The following SPART variants were observed in gnomAD, a reference collection of about 807,000 sequenced individuals.
SPART encodes the protein spartin, also known as spastic paraplegia 20 (Troyer syndrome).
In SPART, 35 loss-of-function variants were observed where a neutral mutation model predicts 58.7. The ratio of observed to expected loss-of-function variants is 0.60; its 90% CI spans 0.46 to 0.79. The LOEUF (loss-of-function observed/expected upper bound fraction) is 0.79. Ranked by LOEUF, SPART falls within the 30% of genes least tolerant of loss-of-function variation. The probability of loss-of-function intolerance (pLI) is 0.00; values close to 1 mark genes in which losing one functional copy is unlikely to be tolerated. For synonymous variants in SPART, 284 were observed against 280.7 expected, an observed-to-expected ratio of 1.01 and a Z score of -0.12; for missense variants, 730 against 786.1, an observed-to-expected ratio of 0.93 and a Z score of 0.85.
At chr13:36,316,265 AGTT>A (rs1881687803) in intron 5 of SPART, among the ~76,000 whole-genome samples, 2 of 152,240 alleles carry the variant, frequency 1.3e-5, no homozygotes, top group Admixed American at 6.5e-5. Context: ...TACCATTTAC[AGTT>A]GTTATTAAAA....
chr13:36,310,840 TGCTC>T, intron 8 of SPART, among the ~76,000 whole-genome samples: 1 of 142,536 alleles, frequency 7.0e-6, no homozygotes, highest in East Asian at 2.6e-4. Context: ...ACCTCTCCCT[TGCTC>T]GTGCTCCCTT....
At position 36,335,136 on chromosome 13, in the gene SPART, A is replaced by G; in HGVS notation, c.695T>C (p.Phe232Ser). Residue 232 changes from phenylalanine to serine, a missense_variant, in exon 2 of 9, where the codon TTT (phenylalanine) becomes TCT (serine). By Grantham distance (155) the Phe-to-Ser change is radical. Transcript: ENST00000438666. Reference sequence around the variant, plus strand: ...ACTAACCTCCCCTGCAGGATTTACAAAAAAAATCTGTACTCCATTTGGTAT... The same window carrying G: ...ACTAACCTCCCCTGCAGGATTTACAGAAAAAATCTGTACTCCATTTGGTAT... Reference protein sequence around the residue: ...ILIPNGVQIFFVNPAGEVSAP... With the variant: ...ILIPNGVQIFSVNPAGEVSAP... 2.5e-6 allele frequency: 4 copies of G among 1,614,116 alleles called. No individual in the cohort carries two copies. The highest frequency in any genetic ancestry group is 1.1e-5 in the South Asian group (1 of 91,072).
intron 1 of SPART, among the ~76,000 whole-genome samples, chr13:36,354,374 G>C (rs1002768283): frequency 6.6e-6 from 1 of 151,942 alleles, no homozygotes; most frequent in African/African-American, 2.4e-5. Context: ...CTCTGCACTT[G>C]AGGAATATTC....
chr13:36,349,029 C>T (rs1157538418), upstream of SPART, among the ~76,000 whole-genome samples: 6 of 152,070 alleles, frequency 3.9e-5, no homozygotes, highest in South Asian at 6.2e-4. Flanking sequence ...TTTGGGAGGC[C>T]GAGGCAGGCG....
Position 36,314,315 on chromosome 13 carries a change from T to G in SPART, c.1395A>C (p.Lys465Asn), listed in dbSNP as rs1202640493. The G allele has an allele frequency of 2.5e-6, 4 of 1,614,022 alleles. No homozygotes were observed. The highest frequency in any genetic ancestry group is 3.4e-6 in the Non-Finnish European group (4 of 1,180,018). The change falls in exon 6 of 9, where the codon AAA (lysine) becomes AAC (asparagine). Residue 465 changes from lysine (K) to asparagine (N), a missense_variant. Lys to Asn is a moderately conservative substitution (Grantham distance 94, BLOSUM62 0). Coordinates refer to ENST00000438666, the MANE Select transcript of SPART (RefSeq NM_015087.5). ...KLRERIQPEE[K>N]PVEVSPAVTK... ...TGACAGCTGGACTAACTTCCACGGG[T>G]TTTTCTTCTGGTTGAATCCGCTCTC...
chr13:36,333,950 C>T (rs1883712223), intron 2 of SPART, among the ~76,000 whole-genome samples: 1 of 152,110 alleles, frequency 6.6e-6, no homozygotes, highest in Non-Finnish European at 1.5e-5. Flanking sequence ...CTCACACATC[C>T]CTAGCAAGCC....
chr13:36,332,801 A>G (rs143392785), intron 2 of SPART, among the ~76,000 whole-genome samples: 3 of 152,302 alleles, frequency 2.0e-5, no homozygotes, highest in African/African-American at 7.2e-5. Flanking sequence ...ACATCAAAAC[A>G]GTCTTACCCA....
rs779479412 is a variant in SPART, at chr13:36,304,659, C to T, written c.1734-27G>A. On this transcript the variant is annotated intron_variant, in intron 8 of 8. Transcript: ENST00000438666. ...TTTAAAAGAAAGATTAGAGGACATA[C>T]AATGAAACAATAAATATAAAATAAG... 3.7e-6 allele frequency: 6 copies of T among 1,605,982 alleles called. No individual in the cohort carries two copies. In the South Asian group the frequency reaches 6.6e-5, roughly 18 times the overall value.
chr13:36,312,137 C>T lies in SPART; in HGVS notation c.1733+8G>A. The T allele has an allele frequency of 6.2e-7, 1 of 1,609,882 alleles. No homozygotes were observed. The highest frequency in any genetic ancestry group is 8.5e-7 in the Non-Finnish European group (1 of 1,176,270). On this transcript the variant is annotated splice_region_variant and intron_variant, in intron 8 of 8. Transcript: ENST00000438666. Reference sequence around the variant, plus strand: ...GAGATTTAGTCATTAAAATAAAATTCAACTTACTTGTATCTGACAGTTTGT... The same window carrying T: ...GAGATTTAGTCATTAAAATAAAATTTAACTTACTTGTATCTGACAGTTTGT...
At chr13:36,356,413 T>C (rs2137705973) in intron 1 of SPART, among the ~76,000 whole-genome samples, 1 of 152,262 alleles carries the variant, frequency 6.6e-6, no homozygotes, top group South Asian at 2.1e-4. Flanking sequence ...TGATAAACAT[T>C]TTACAACCTA....
chr13:36,364,572 G>A (rs941581339), intron 1 of SPART, among the ~76,000 whole-genome samples: 4 of 152,120 alleles, frequency 2.6e-5, no homozygotes, highest in African/African-American at 9.7e-5. Context: ...CAAGTTTCAT[G>A]AAGCCTGAAA....
intron 8 of SPART, among the ~76,000 whole-genome samples, chr13:36,304,844 GT>G (rs1312313798): frequency 2.0e-5 from 3 of 152,142 alleles, no homozygotes; most frequent in African/African-American, 4.8e-5. Flanking sequence ...TAAAAACAGT[GT>G]GTGAAAATAA....
chr13:36,342,849 C>T (rs1884707920), intron 1 of SPART, among the ~76,000 whole-genome samples: 1 of 152,178 alleles, frequency 6.6e-6, no homozygotes, highest in Non-Finnish European at 1.5e-5. Flanking sequence ...AACTGATCTG[C>T]CTGAGAATAT....
upstream of SPART, among the ~76,000 whole-genome samples, chr13:36,348,843 G>C (rs986377042): frequency 6.6e-6 from 1 of 152,138 alleles, no homozygotes; most frequent in Admixed American, 6.5e-5. Context: ...TTTGCAAGCT[G>C]ATCCTAAAAT....
intron 1 of SPART, among the ~76,000 whole-genome samples, chr13:36,367,489 G>T (rs1886106435): frequency 6.6e-6 from 1 of 151,986 alleles, no homozygotes; most frequent in Non-Finnish European, 1.5e-5. Context: ...CTGTGGCAAG[G>T]TGGGGACCTC....
At chr13:36,323,358 C>G (rs770354428) in intron 5 of SPART, among the ~76,000 whole-genome samples, 5 of 152,214 alleles carry the variant, frequency 3.3e-5, no homozygotes, top group Non-Finnish European at 7.3e-5. Context: ...TCCAAATTAG[C>G]TTACTAGGCT....
intron 1 of SPART, chr13:36,336,244 G>A (rs1427706542): frequency 6.3e-6 from 1 of 158,604 alleles, no homozygotes; most frequent in African/African-American, 2.4e-5. Context: ...ATAGACTGGG[G>A]AAAACAGAAA....
chr13:36,352,288 A>T (rs1593289605), intron 1 of SPART, among the ~76,000 whole-genome samples: 3 of 152,224 alleles, frequency 2.0e-5, no homozygotes, highest in African/African-American at 7.2e-5. Flanking sequence ...CAATTTACTG[A>T]TTAAAAATGG....
intron 4 of SPART, 44 bp from the exon 5 acceptor site, chr13:36,326,742 GA>G: frequency 6.2e-7 from 1 of 1,605,286 alleles, no homozygotes; most frequent in Non-Finnish European, 8.5e-7. Flanking sequence ...TTAGTACTAA[GA>G]GGGGGAAAAC....
Sources: allele counts gnomAD v4.1 joint callset (sites outside exome capture counted in the v4.1 genomes callset), GRCh38; gene constraint gnomAD v4.1.1; transcripts MANE v1.5; gene names NCBI Gene and HGNC (gene_info 2026-07-23, HGNC 2026-07-21).